Variants in UGT1A8 observed in about 807,000 individuals in gnomAD.
UGT1A8 encodes the protein UDP-glucuronosyltransferase 1A8.
UGT1A8 carries 39 observed loss-of-function variants against 45.3 expected under a neutral mutation model. The ratio of observed to expected loss-of-function variants is 0.86; its 90% CI spans 0.67 to 1.12. The LOEUF (loss-of-function observed/expected upper bound fraction) is 1.12, where lower values mean the gene tolerates loss of function less well. Among genes scored for constraint, UGT1A8 ranks in the 50% most tolerant of loss-of-function variants. The pLI is 0.00. For synonymous variants in UGT1A8, 275 were observed against 249.2 expected, an observed-to-expected ratio of 1.10 and a Z score of -0.97; for missense variants, 719 against 664.9, an observed-to-expected ratio of 1.08 and a Z score of -0.90.
intron 1 of UGT1A8, chr2:233,693,397 G>A (rs2075151019): frequency 6.2e-7 from 1 of 1,614,030 alleles, no homozygotes; most frequent in African/African-American, 1.3e-5. Context: ...GCCTCCTGCA[G>A]GACAGGGACA....
intron 1 of UGT1A8, among the ~76,000 whole-genome samples, chr2:233,652,898 G>A (rs1161003585): frequency 1.3e-5 from 2 of 152,204 alleles, no homozygotes; most frequent in East Asian, 3.8e-4. Flanking sequence ...ACCCAGATTT[G>A]GAAATGGTTT....
chr2:233,681,759 A>G (rs1294267039), intron 1 of UGT1A8: 1 of 899,776 alleles, frequency 1.1e-6, no homozygotes. Flanking sequence ...CAGGTATCTC[A>G]GCAAAGGCTA....
Position 233,661,793 on chromosome 2 carries a change from A to G in UGT1A8, c.855+43231A>G, listed in dbSNP as rs938776438. ...CAAGCAATTCAACTTTTCTTGTAAT[A>G]TCATGAATTTCTCTGCTTCATGGGA... On this transcript the variant is annotated intron_variant, in intron 1 of 4. Coordinates refer to ENST00000373450, the MANE Select transcript of UGT1A8 (RefSeq NM_019076.5). Among the ~76,000 whole-genome samples the G allele has an allele frequency of 2.6e-5, 4 of 151,184 alleles. No homozygotes were observed. In the East Asian group the frequency reaches 7.8e-4, roughly 29 times the overall value.
At chr2:233,641,440 A>G (rs2073449389) in intron 1 of UGT1A8, among the ~76,000 whole-genome samples, 3 of 152,200 alleles carry the variant, frequency 2.0e-5, no homozygotes, top group Admixed American at 2.0e-4. Context: ...TGTGATTTTC[A>G]TTTATATCTT....
intron 1 of UGT1A8, among the ~76,000 whole-genome samples, chr2:233,631,174 C>A (rs2073179878): frequency 6.6e-6 from 1 of 152,144 alleles, no homozygotes; most frequent in African/African-American, 2.4e-5. Context: ...ATGAATGCAT[C>A]CTTTTTAATG....
chr2:233,664,970 G>T (rs1440702939), intron 1 of UGT1A8, among the ~76,000 whole-genome samples: 1 of 152,184 alleles, frequency 6.6e-6, no homozygotes, highest in African/African-American at 2.4e-5. Flanking sequence ...AAAAACCACA[G>T]TGAGAAATGA....
chr2:233,772,512 G>A lies in UGT1A8; in HGVS notation c.1546G>A (p.Gly516Arg), dbSNP rs1553624227. The change falls in exon 5 of 5, where the codon GGG becomes AGG. Residue 516 changes from glycine (G) to arginine (R), a missense_variant. By Grantham distance (125) the Gly-to-Arg change is moderately radical. Coordinates refer to ENST00000373450, the MANE Select transcript of UGT1A8 (RefSeq NM_019076.5). ...CCAYGYRKCL[G>R]KKGRVKKAHK... ...TGCTTATGGCTACCGGAAATGCTTG[G>A]GGAAAAAAGGGCGAGTTAAGAAAGC... 6.2e-7 allele frequency: 1 copy of A among 1,614,116 alleles called. No individual in the cohort carries two copies. The highest frequency in any genetic ancestry group is 8.5e-7 in the Non-Finnish European group (1 of 1,180,014).
At chr2:233,682,454 T>G (rs749559644) in intron 1 of UGT1A8, 10 of 1,613,828 alleles carry the variant, frequency 6.2e-6, no homozygotes, top group African/African-American at 1.3e-5. Context: ...CAGGGGAATA[T>G]TTTGCCACTA....
chr2:233,766,981 G>C lies in UGT1A8; in HGVS notation c.856-53G>C, dbSNP rs1699300845. On this transcript the variant is annotated intron_variant, in intron 1 of 4. Coordinates refer to ENST00000373450, the MANE Select transcript of UGT1A8 (RefSeq NM_019076.5). Reference sequence around the variant, plus strand: ...TCTAATTCATAACTTACTGTATGTAGTCATCAAAGAATATGAGAAAAAATT... The same window carrying C: ...TCTAATTCATAACTTACTGTATGTACTCATCAAAGAATATGAGAAAAAATT... 1.9e-6 allele frequency: 3 copies of C among 1,612,648 alleles called. No individual in the cohort carries two copies. In the East Asian group the frequency reaches 6.7e-5, roughly 36 times the overall value.
chr2:233,767,698 C>T (rs1699451194), intron 2 of UGT1A8, 151 bp from the exon 3 acceptor site: 8 of 1,500,274 alleles, frequency 5.3e-6, no homozygotes, highest in Non-Finnish European at 6.2e-6. Flanking sequence ...CGGAAGTTGC[C>T]AGTCCTCAGA....
chr2:233,755,297 AC>A (rs1695850513), intron 1 of UGT1A8: 1 of 623,324 alleles, frequency 1.6e-6, no homozygotes, highest in Admixed American at 3.1e-5. Context: ...CCTGCGGGGC[AC>A]TGGCACAGCG....
chr2:233,714,236 G>A (rs560631891), intron 1 of UGT1A8, among the ~76,000 whole-genome samples: 1 of 152,282 alleles, frequency 6.6e-6, no homozygotes, highest in South Asian at 2.1e-4. Flanking sequence ...ATTTTCAGTA[G>A]AAAGGAGGAA....
Position 233,719,132 on chromosome 2 carries a change from A to G in UGT1A8, c.856-47902A>G, listed in dbSNP as rs373602050. The G allele has an allele frequency of 5.0e-6, 8 of 1,614,122 alleles. No individual in the cohort carries two copies. The African/African-American group carries it at 6.7e-5, about 13-fold the overall frequency. On this transcript the variant is annotated intron_variant, in intron 1 of 4. Transcript: ENST00000373450. Reference sequence around the variant, plus strand: ...ACACTCAAGGGTTCTTTGAAACAGAACATCTTCTGAAGAGATATTCTAGAA... The same window carrying G: ...ACACTCAAGGGTTCTTTGAAACAGAGCATCTTCTGAAGAGATATTCTAGAA...
Position 233,769,477 on chromosome 2 carries a change from G to T in UGT1A8, c.1295+1038G>T. The T allele has an allele frequency of 6.2e-7, 1 of 1,611,324 alleles. No individual in the cohort carries two copies. The highest frequency in any genetic ancestry group is 8.5e-7 in the Non-Finnish European group (1 of 1,178,664). On this transcript the variant is annotated intron_variant, in intron 4 of 4. Coordinates refer to ENST00000373450, the MANE Select transcript of UGT1A8 (RefSeq NM_019076.5). This position sits in a 1 kb window ranked among gnomAD's most constrained non-coding sequence, Gnocchi z 4.4. Reference sequence around the variant, plus strand: ...TGCATTCATATGCGTGTGTGTGTGTGTGCGTGTGTTTATGAGAGTGTCCAT... The same window carrying T: ...TGCATTCATATGCGTGTGTGTGTGTTTGCGTGTGTTTATGAGAGTGTCCAT...
At chr2:233,647,115 C>A (rs576168360) in intron 1 of UGT1A8, among the ~76,000 whole-genome samples, 119 of 152,248 alleles carry the variant, frequency 7.8e-4, no homozygotes, top group African/African-American at 2.8e-3. Context: ...TTTAAAACCA[C>A]CAGATCTCGT....
intron 1 of UGT1A8, chr2:233,648,773 T>C (rs2073667617): frequency 2.5e-6 from 2 of 798,980 alleles, no homozygotes; most frequent in South Asian, 1.5e-5. Context: ...CTGGATGCCA[T>C]GACTTTTAAG....
At chr2:233,625,825 T>C (rs898981190) in intron 1 of UGT1A8, among the ~76,000 whole-genome samples, 17 of 151,826 alleles carry the variant, frequency 1.1e-4, no homozygotes, top group Admixed American at 9.9e-4. Context: ...TGAAAAACTA[T>C]TGGGTAATAT....
chr2:233,623,694 T>G (rs1010502430), intron 1 of UGT1A8, among the ~76,000 whole-genome samples: 1 of 152,140 alleles, frequency 6.6e-6, no homozygotes, highest in African/African-American at 2.4e-5. Flanking sequence ...CATCTTTCCA[T>G]GTAGATCAAT....
intron 1 of UGT1A8, chr2:233,743,791 C>G: frequency 7.3e-7 from 1 of 1,367,342 alleles, no homozygotes; most frequent in Non-Finnish European, 9.8e-7. Flanking sequence ...ATCTCCTCTC[C>G]GCTTCCTCCT....
Sources: gnomAD v4.1 joint callset for allele counts (sites outside exome capture counted in the v4.1 genomes callset) on GRCh38, gnomAD v4.1.1 for gene constraint, Gnocchi (gnomAD v3.1) non-coding constraint, MANE v1.5 for transcripts, NCBI Gene and HGNC (gene_info 2026-07-23, HGNC 2026-07-21) for gene names.